Variants in SPRED1 observed in about 807,000 individuals in gnomAD.
SPRED1 encodes sprouty-related, EVH1 domain-containing protein 1.
In SPRED1, 18 loss-of-function variants were observed where a neutral mutation model predicts 52.3. The observed-to-expected ratio is 0.34, with a 90% CI of 0.24 to 0.51. SPRED1 has a LOEUF of 0.51. SPRED1 is among the 20% of genes least tolerant of loss of function. The probability of loss-of-function intolerance (pLI) is 0.97; values close to 1 mark genes in which losing one functional copy is unlikely to be tolerated. For missense variants in SPRED1, 485 were observed against 551.0 expected, an observed-to-expected ratio of 0.88 and a Z score of 1.20; for synonymous variants, 155 against 179.7, an observed-to-expected ratio of 0.86 and a Z score of 1.10.
At chr15:38,281,462 A>T (rs1894685912) in intron 1 of SPRED1, among the ~76,000 whole-genome samples, 1 of 151,906 alleles carries the variant, frequency 6.6e-6, no homozygotes, top group East Asian at 1.9e-4. Context: ...GTGTGATCAT[A>T]GCTCACTGCA....
chr15:38,320,659 A>G (rs1334325652), intron 2 of SPRED1, among the ~76,000 whole-genome samples: 1 of 152,126 alleles, frequency 6.6e-6, no homozygotes, highest in Non-Finnish European at 1.5e-5. Flanking sequence ...CCTTTCACCA[A>G]ATACCAGCTG....
chr15:38,318,483 T>C (rs1450679205), intron 2 of SPRED1, among the ~76,000 whole-genome samples: 1 of 152,140 alleles, frequency 6.6e-6, no homozygotes, highest in Non-Finnish European at 1.5e-5. Flanking sequence ...GGGGTACATG[T>C]GCAGATTTTG....
chr15:38,314,698 A>G (rs918743688), intron 2 of SPRED1, among the ~76,000 whole-genome samples: 3 of 151,900 alleles, frequency 2.0e-5, no homozygotes, highest in African/African-American at 7.2e-5. Context: ...TAAAATACCT[A>G]TGTATGTCTG....
At chr15:38,303,825 G>A (rs1297761374) in intron 2 of SPRED1, among the ~76,000 whole-genome samples, 1 of 151,980 alleles carries the variant, frequency 6.6e-6, no homozygotes, top group Admixed American at 6.6e-5. Context: ...ATGCTCTGTG[G>A]GGACAAGAAA....
intron 1 of SPRED1, among the ~76,000 whole-genome samples, chr15:38,253,695 C>A (rs905796061): frequency 6.6e-6 from 1 of 151,580 alleles, no homozygotes. Flanking sequence ...CCGATTAAGC[C>A]TTCACCCTCT....
chr15:38,347,461 C>CTTTTT (rs3075337), intron 5 of SPRED1, among the ~76,000 whole-genome samples: 15 of 93,212 alleles, frequency 1.6e-4, no homozygotes, highest in African/African-American at 4.1e-4. Flanking sequence ...CCGCTTGGAT[C>CTTTTT]TTTTTTTTTT....
chr15:38,341,916 G>A (rs1595758167), intron 5 of SPRED1, among the ~76,000 whole-genome samples: 1 of 151,396 alleles, frequency 6.6e-6, no homozygotes, highest in East Asian at 1.9e-4. Context: ...ATACTTTTTT[G>A]ATATCTGATT....
chr15:38,311,522 TA>T (rs1301142637), intron 2 of SPRED1, among the ~76,000 whole-genome samples: 3 of 152,180 alleles, frequency 2.0e-5, no homozygotes, highest in South Asian at 4.1e-4. Flanking sequence ...TTTTAGATGG[TA>T]GAATTTTTCA....
At chr15:38,288,788 G>A (rs1659182545) in intron 1 of SPRED1, among the ~76,000 whole-genome samples, 1 of 151,898 alleles carries the variant, frequency 6.6e-6, no homozygotes, top group Admixed American at 6.6e-5. Flanking sequence ...TGAATATTGT[G>A]TCTTTTTTTT....
chr15:38,257,697 A>G (rs1894127695), intron 1 of SPRED1, among the ~76,000 whole-genome samples: 1 of 152,196 alleles, frequency 6.6e-6, no homozygotes, highest in African/African-American at 2.4e-5. Context: ...ATTTAGGAAT[A>G]TGTATCTCCA....
In SPRED1 at chr15:38,322,228, TG is replaced by T. The variant is rs1895617168; in HGVS notation, c.208-11del. On this transcript the variant is annotated splice_polypyrimidine_tract_variant and intron_variant, in intron 2 of 6. Coordinates refer to ENST00000299084, the MANE Select transcript of SPRED1 (RefSeq NM_152594.3). Reference sequence around the variant, plus strand: ...TATATGTATATTAATTTTTGGTATTTGGCTTTTGTCAGGTGGTTTTGGAATG... The same window carrying T: ...TATATGTATATTAATTTTTGGTATTTGCTTTTGTCAGGTGGTTTTGGAATG... The T allele has an allele frequency of 6.2e-7, 1 of 1,613,472 alleles. No homozygotes were observed.
chr15:38,283,776 A>G (rs1430931501), intron 1 of SPRED1, among the ~76,000 whole-genome samples: 1 of 152,120 alleles, frequency 6.6e-6, no homozygotes, highest in Non-Finnish European at 1.5e-5. Context: ...CCTATCTGTA[A>G]TTTGGGGATA....
chr15:38,351,115 A>G lies in SPRED1; in HGVS notation c.786A>G (p.Arg262=). Residue 262 remains arginine (R), a synonymous_variant, in exon 7 of 7, where the codon AGA becomes AGG. Coordinates refer to ENST00000299084, the MANE Select transcript of SPRED1 (RefSeq NM_152594.3). The part of the protein sequence containing the change: ...DILIRRYADY[R]HPDMWKNDLE... ...TAATACGTCGCTATGCAGACTACAG[A>G]CATCCTGACATGTGGAAAAATGACT... The G allele has an allele frequency of 6.2e-7, 1 of 1,614,072 alleles. No homozygotes were observed. The highest frequency in any genetic ancestry group is 8.5e-7 in the Non-Finnish European group (1 of 1,179,998).
intron 2 of SPRED1, among the ~76,000 whole-genome samples, chr15:38,308,687 T>G (rs1291461522): frequency 6.6e-6 from 1 of 152,214 alleles, no homozygotes; most frequent in Admixed American, 6.5e-5. Context: ...GTTCCTTTTA[T>G]TGTTGAGTAG....
chr15:38,283,719 T>C (rs1367267881), intron 1 of SPRED1, among the ~76,000 whole-genome samples: 4 of 152,200 alleles, frequency 2.6e-5, no homozygotes, highest in Admixed American at 6.5e-5. Flanking sequence ...CCTTACTCAG[T>C]GATGTGATCT....
At chr15:38,297,021 A>C (rs1895054940) in intron 1 of SPRED1, among the ~76,000 whole-genome samples, 1 of 152,138 alleles carries the variant, frequency 6.6e-6, no homozygotes. Context: ...TTCAAGGTGC[A>C]CCACCTTGGA....
chr15:38,276,906 T>C (rs1352922557), intron 1 of SPRED1, among the ~76,000 whole-genome samples: 3 of 152,176 alleles, frequency 2.0e-5, no homozygotes, highest in Non-Finnish European at 4.4e-5. Context: ...TATAAAGTTG[T>C]GTTAGGTTAG....
intron 2 of SPRED1, among the ~76,000 whole-genome samples, chr15:38,312,669 A>G (rs937078696): frequency 3.3e-5 from 5 of 152,154 alleles, no homozygotes; most frequent in South Asian, 2.1e-4. Context: ...CACTTTCGTT[A>G]ATAGTTACAG....
At chr15:38,349,685 C>G (rs1888439899) in intron 6 of SPRED1, among the ~76,000 whole-genome samples, 162 bp downstream of exon 6, 1 of 152,318 alleles carries the variant, frequency 6.6e-6, no homozygotes, top group South Asian at 2.1e-4. Flanking sequence ...GTTAAAAACT[C>G]TGCAAACTTC....
Sources: gnomAD v4.1 joint callset for allele counts (sites outside exome capture counted in the v4.1 genomes callset) on GRCh38, gnomAD v4.1.1 for gene constraint, MANE v1.5 for transcripts, NCBI Gene and HGNC (gene_info 2026-07-23, HGNC 2026-07-21) for gene names.